Variants in NLGN1 observed in about 807,000 individuals in gnomAD.
NLGN1 encodes neuroligin 1.
Under a neutral mutation model 65.5 loss-of-function variants are expected in NLGN1, and 12 were observed. The ratio of observed to expected loss-of-function variants is 0.18; its 90% CI spans 0.12 to 0.30. NLGN1 has a LOEUF of 0.30. Ranked by LOEUF, NLGN1 falls within the 10% of genes least tolerant of loss-of-function variation. The probability of loss-of-function intolerance (pLI) is 1.00; values close to 1 mark genes in which losing one functional copy is unlikely to be tolerated. For missense variants in NLGN1, 750 were observed against 1,007.1 expected (o/e 0.74, Z 3.46); for synonymous variants, 350 against 359.5 (o/e 0.97, Z 0.30).
At chr3:173,806,637 T>C (rs977627042) in intron 3 of NLGN1, among the ~76,000 whole-genome samples, 4 of 152,256 alleles carry the variant, frequency 2.6e-5, no homozygotes, top group Admixed American at 1.3e-4. Flanking sequence ...TTTCAATCTA[T>C]ATAATACGTA....
intron 3 of NLGN1, among the ~76,000 whole-genome samples, chr3:173,637,828 A>C (rs2149573427): frequency 6.6e-6 from 1 of 152,318 alleles, no homozygotes. Flanking sequence ...CATAGGTTAC[A>C]TAGGATATAA....
At chr3:174,247,660 T>A (rs1744046598) in intron 4 of NLGN1, among the ~76,000 whole-genome samples, 1 of 152,184 alleles carries the variant, frequency 6.6e-6, no homozygotes, top group Admixed American at 6.5e-5. Context: ...GCATTCATTA[T>A]TCACTCATCA....
At chr3:173,563,450 T>G (rs1410677106) in intron 2 of NLGN1, among the ~76,000 whole-genome samples, 2 of 152,232 alleles carry the variant, frequency 1.3e-5, no homozygotes, top group African/African-American at 4.8e-5. Flanking sequence ...AGGAATGATT[T>G]AAGTTTATCT....
chr3:173,616,595 G>A lies in NLGN1; in HGVS notation c.493+11504G>A, dbSNP rs979222082. 2.6e-5 allele frequency among the ~76,000 whole-genome samples: 4 copies of A among 152,234 alleles called. No individual in the cohort carries two copies. The East Asian group carries it at 7.7e-4, about 29-fold the overall frequency. ...GAAGCCAACCCTCCCGACATGAGGA[G>A]ACCTTTCAGGGCTGTGTACAGGCAT... On this transcript the variant is annotated intron_variant, in intron 3 of 6. Transcript: ENST00000457714.
At position 174,090,300 on chromosome 3, in the gene NLGN1, G is replaced by T. The variant is rs919291220; in HGVS notation, c.647-185015G>T. On this transcript the variant is annotated intron_variant, in intron 4 of 6. Coordinates refer to ENST00000457714, the Ensembl canonical transcript of NLGN1. The stretch of plus-strand genomic sequence containing the variant: ...AGCCTGGCCAACATGATGAAATCTC[G>T]TCTCTATTAAAAATACAAAAAAAAT... 2.0e-5 allele frequency among the ~76,000 whole-genome samples: 3 copies of T among 151,874 alleles called. No individual in the cohort carries two copies. The East Asian group carries it at 5.8e-4, about 30-fold the overall frequency.
At chr3:173,435,565 T>C (rs1040628264) in intron 2 of NLGN1, among the ~76,000 whole-genome samples, 3 of 152,172 alleles carry the variant, frequency 2.0e-5, no homozygotes, top group African/African-American at 7.2e-5. Flanking sequence ...CTGGGTGCGG[T>C]GGCACACGCC....
chr3:173,488,815 T>C (rs1486293407), intron 2 of NLGN1, among the ~76,000 whole-genome samples: 4 of 152,010 alleles, frequency 2.6e-5, no homozygotes, highest in Non-Finnish European at 5.9e-5. Flanking sequence ...TGAAAAAGTC[T>C]CAGTCATTGC....
chr3:174,078,550 A>T (rs1252190719), intron 4 of NLGN1, among the ~76,000 whole-genome samples: 1 of 152,208 alleles, frequency 6.6e-6, no homozygotes, highest in African/African-American at 2.4e-5. Flanking sequence ...AAAAAAAAGA[A>T]GTAATGACCT....
intron 4 of NLGN1, among the ~76,000 whole-genome samples, chr3:174,210,579 C>A (rs1736277955): frequency 6.6e-6 from 1 of 152,112 alleles, no homozygotes; most frequent in African/African-American, 2.4e-5. Flanking sequence ...GCTTGAGGCC[C>A]AAAGAAAACA....
chr3:174,151,424 G>A (rs1025228192), intron 4 of NLGN1, among the ~76,000 whole-genome samples: 4 of 152,066 alleles, frequency 2.6e-5, no homozygotes, highest in Non-Finnish European at 4.4e-5. Flanking sequence ...TGAATATGCT[G>A]ATTATGTGCA....
chr3:173,407,173 A>G (rs1024310416), intron 1 of NLGN1, among the ~76,000 whole-genome samples: 2 of 152,226 alleles, frequency 1.3e-5, no homozygotes, highest in Non-Finnish European at 1.5e-5. Flanking sequence ...TTGTAATCAC[A>G]TCTTTATGAC....
At chr3:173,542,044 A>G (rs1174462512) in intron 2 of NLGN1, among the ~76,000 whole-genome samples, 1 of 151,978 alleles carries the variant, frequency 6.6e-6, no homozygotes, top group Non-Finnish European at 1.5e-5. Context: ...TTAAACTGTG[A>G]TTTATGAGTT....
At chr3:174,085,679 A>G (rs1045564706) in intron 4 of NLGN1, among the ~76,000 whole-genome samples, 1 of 148,218 alleles carries the variant, frequency 6.7e-6, no homozygotes, top group Admixed American at 6.6e-5. Flanking sequence ...AAGAAAGTGG[A>G]TATGTTTTTC....
intron 3 of NLGN1, among the ~76,000 whole-genome samples, chr3:173,767,663 A>T (rs537216902): frequency 8.5e-5 from 13 of 152,216 alleles, no homozygotes; most frequent in African/African-American, 3.1e-4. Flanking sequence ...AAATATGTTC[A>T]TTGTTTACTG....
chr3:173,994,766 C>T (rs1213986657), intron 4 of NLGN1, among the ~76,000 whole-genome samples: 1 of 152,106 alleles, frequency 6.6e-6, no homozygotes, highest in Admixed American at 6.6e-5. Flanking sequence ...TGTTTTTAAA[C>T]TTCTGAACAG....
intron 3 of NLGN1, among the ~76,000 whole-genome samples, chr3:173,649,040 G>A (rs1416812639): frequency 3.9e-5 from 6 of 152,104 alleles, no homozygotes; most frequent in Admixed American, 3.9e-4. Context: ...GATAAATTGT[G>A]AAATAAGCAT....
At chr3:174,157,265 C>A (rs541690075) in intron 4 of NLGN1, among the ~76,000 whole-genome samples, 1 of 151,798 alleles carries the variant, frequency 6.6e-6, no homozygotes, top group South Asian at 2.1e-4. Context: ...TAAAAACATA[C>A]ACACAAAACC....
intron 4 of NLGN1, among the ~76,000 whole-genome samples, chr3:174,155,170 A>C (rs1425398097): frequency 6.6e-6 from 1 of 150,566 alleles, no homozygotes; most frequent in African/African-American, 2.4e-5. Flanking sequence ...ATCAAATAGC[A>C]TAACTTGCAT....
chr3:173,673,049 G>A (rs531681014), intron 3 of NLGN1, among the ~76,000 whole-genome samples: 9 of 152,254 alleles, frequency 5.9e-5, no homozygotes, highest in African/African-American at 2.2e-4. Flanking sequence ...GTGATTAAAG[G>A]TTGATGCTTT....
Sources: gnomAD v4.1 joint callset for allele counts (sites outside exome capture counted in the v4.1 genomes callset) on GRCh38, gnomAD v4.1.1 for gene constraint, MANE v1.5 for transcripts, NCBI Gene and HGNC (gene_info 2026-07-23, HGNC 2026-07-21) for gene names.